SLC7A2: variants seen among roughly 807,000 people sequenced by gnomAD.
The protein encoded by SLC7A2 is solute carrier family 7 member 2.
Under a neutral mutation model 58.9 loss-of-function variants are expected in SLC7A2, and 48 were observed. The observed-to-expected ratio is 0.82, with a 90% CI of 0.65 to 1.04. The LOEUF is 1.04. Ranked by LOEUF, SLC7A2 falls within the 50% of genes least tolerant of loss-of-function variation. The probability of loss-of-function intolerance (pLI) is 0.00; values close to 1 mark genes in which losing one functional copy is unlikely to be tolerated. For synonymous variants in SLC7A2, 363 were observed against 314.5 expected, an observed-to-expected ratio of 1.15 and a Z score of -1.63; for missense variants, 1,029 against 818.8, an observed-to-expected ratio of 1.26 and a Z score of -3.13.
chr8:17,497,402 G>T (rs1799995776), intron 1 of SLC7A2, among the ~76,000 whole-genome samples, 165 bp downstream of exon 1: 1 of 152,144 alleles, frequency 6.6e-6, no homozygotes, highest in Non-Finnish European at 1.5e-5. Flanking sequence ...GCTGCCCTGA[G>T]GCCGCGCTCC....
intron 2 of SLC7A2, among the ~76,000 whole-genome samples, chr8:17,534,350 T>G (rs2150719082): frequency 6.6e-6 from 1 of 152,272 alleles, no homozygotes. Flanking sequence ...ACAGTTTCTC[T>G]GAGAAGTGAT....
intron 2 of SLC7A2, among the ~76,000 whole-genome samples, chr8:17,536,837 A>G (rs1357946950): frequency 6.6e-6 from 1 of 152,118 alleles, no homozygotes; most frequent in Non-Finnish European, 1.5e-5. Flanking sequence ...CTTCGCCATT[A>G]GCTTCTGGTT....
chr8:17,532,922 TA>T (rs201802911), intron 2 of SLC7A2, among the ~76,000 whole-genome samples: 8,208 of 152,264 alleles, frequency 0.054, 240 homozygotes, highest in Middle Eastern at 0.079. Flanking sequence ...AAACAAAACT[TA>T]AACTATAACT....
chr8:17,514,628 G>C (rs888714379), intron 2 of SLC7A2, among the ~76,000 whole-genome samples: 1 of 152,128 alleles, frequency 6.6e-6, no homozygotes, highest in African/African-American at 2.4e-5. Context: ...CTTGGTAGAA[G>C]GTCCTTGCCT....
chr8:17,536,736 A>C (rs1801682980), intron 2 of SLC7A2, among the ~76,000 whole-genome samples: 1 of 152,332 alleles, frequency 6.6e-6, no homozygotes, highest in African/African-American at 2.4e-5. Flanking sequence ...TTCCCAGGAA[A>C]TGTAGCAGAA....
intron 2 of SLC7A2, among the ~76,000 whole-genome samples, chr8:17,540,608 G>T (rs780886702): frequency 1.8e-4 from 27 of 152,100 alleles, no homozygotes; most frequent in Non-Finnish European, 3.2e-4. Context: ...GTAATCTGGA[G>T]TGAATTAAAT....
At chr8:17,501,083 G>C (rs931635783) in intron 1 of SLC7A2, among the ~76,000 whole-genome samples, 1 of 151,666 alleles carries the variant, frequency 6.6e-6, no homozygotes, top group Non-Finnish European at 1.5e-5. Context: ...GTGCGACCTT[G>C]GCTCACTGCA....
chr8:17,520,365 G>C (rs749365267), intron 2 of SLC7A2, among the ~76,000 whole-genome samples: 2 of 152,040 alleles, frequency 1.3e-5, no homozygotes, highest in African/African-American at 4.8e-5. Flanking sequence ...TCATGGCTGG[G>C]TGCAGTGGCT....
intron 2 of SLC7A2, among the ~76,000 whole-genome samples, chr8:17,529,630 G>T (rs1202981230): frequency 1.3e-5 from 2 of 151,624 alleles, no homozygotes; most frequent in South Asian, 4.1e-4. Flanking sequence ...TACCTCCTGG[G>T]TTCAAGAGAT....
intron 2 of SLC7A2, among the ~76,000 whole-genome samples, chr8:17,512,136 C>T (rs1800627265): frequency 6.6e-6 from 1 of 152,010 alleles, no homozygotes; most frequent in South Asian, 2.1e-4. Context: ...GCTCTTAGAA[C>T]GTATATCGTA....
At chr8:17,522,098 A>C (rs780319062) in intron 2 of SLC7A2, among the ~76,000 whole-genome samples, 7 of 152,136 alleles carry the variant, frequency 4.6e-5, no homozygotes, top group Non-Finnish European at 7.4e-5. Flanking sequence ...CGTACCCAAG[A>C]TTGGATAATT....
At chr8:17,495,250 A>G (rs975284624), upstream of SLC7A2, among the ~76,000 whole-genome samples, 5 of 151,728 alleles carry the variant, frequency 3.3e-5, no homozygotes, top group African/African-American at 1.2e-4. Context: ...AGGAATCTCT[A>G]TTTTTTTTAA....
intron 6 of SLC7A2, among the ~76,000 whole-genome samples, chr8:17,550,907 C>T (rs752263170): frequency 6.6e-6 from 1 of 152,118 alleles, no homozygotes; most frequent in African/African-American, 2.4e-5. Context: ...CTAAATGCCT[C>T]CTCTATTTTT....
intron 2 of SLC7A2, chr8:17,538,797 A>G (rs972050990): frequency 2.5e-6 from 4 of 1,613,418 alleles, no homozygotes; most frequent in Admixed American, 3.3e-5. Flanking sequence ...GAAAGAGCAG[A>G]TGTCTCACCA....
intron 2 of SLC7A2, among the ~76,000 whole-genome samples, chr8:17,529,685 C>G (rs1475482807): frequency 6.6e-6 from 1 of 151,978 alleles, no homozygotes; most frequent in East Asian, 1.9e-4. Context: ...TATGTGTCCA[C>G]CACCATGCCC....
intron 2 of SLC7A2, among the ~76,000 whole-genome samples, chr8:17,513,697 A>C (rs966670149): frequency 6.6e-5 from 10 of 152,226 alleles, no homozygotes; most frequent in Non-Finnish European, 1.3e-4. Context: ...CATTTTTGGC[A>C]GAATCAAATG....
At chr8:17,516,282 G>A (rs764276231) in intron 2 of SLC7A2, among the ~76,000 whole-genome samples, 2 of 151,850 alleles carry the variant, frequency 1.3e-5, no homozygotes, top group Admixed American at 6.6e-5. Flanking sequence ...CTGGAGTGCA[G>A]TGGCAAGATC....
intron 5 of SLC7A2, among the ~76,000 whole-genome samples, 192 bp downstream of exon 5, chr8:17,549,035 G>T (rs776097420): frequency 6.6e-6 from 1 of 152,186 alleles, no homozygotes; most frequent in Non-Finnish European, 1.5e-5. Flanking sequence ...AAGGTGAAAG[G>T]CATGTCTCAC....
Position 17,560,414 on chromosome 8 carries a change from G to A in SLC7A2, c.1385G>A (p.Ser462Asn). The A allele has an allele frequency of 1.2e-6, 2 of 1,614,152 alleles. No individual in the cohort carries two copies. Among genetic ancestry groups the A allele is most frequent in the Non-Finnish European group, 1.7e-6 (2 of 1,179,972 alleles). Reference protein sequence around the residue: ...LGSSPRVTSKSESQVTMLQRQ... With the variant: ...LGSSPRVTSKNESQVTMLQRQ... ...TCGTCTCCCAGGGTAACCTCGAAGA[G>A]TGAGTCCCAGGTCACCATGCTGCAG... The change falls in exon 10 of 13, where the codon AGT (serine) becomes AAT (asparagine). Residue 462 changes from serine (S) to asparagine (N), a missense_variant. Coordinates refer to ENST00000494857, the MANE Select transcript of SLC7A2 (RefSeq NM_001370338.1).
Sources: gnomAD v4.1 joint callset for allele counts (sites outside exome capture counted in the v4.1 genomes callset) on GRCh38, gnomAD v4.1.1 for gene constraint, MANE v1.5 for transcripts, NCBI Gene and HGNC (gene_info 2026-07-23, HGNC 2026-07-21) for gene names.